The following STARD13 variants were observed in gnomAD, a reference collection of about 807,000 sequenced individuals.
STARD13 encodes the protein stAR-related lipid transfer protein 13.
Under a neutral mutation model 106.4 loss-of-function variants are expected in STARD13, and 62 were observed. The ratio of observed to expected loss-of-function variants is 0.58; its 90% confidence interval spans 0.48 to 0.72. The LOEUF (loss-of-function observed/expected upper bound fraction) is 0.72. STARD13 is among the 30% of genes least tolerant of loss of function. The pLI is 0.00. For synonymous variants in STARD13, 565 were observed against 553.0 expected (o/e 1.02, Z -0.31); for missense variants, 1,387 against 1,424.0 (o/e 0.97, Z 0.42).
At position 33,104,100 on chromosome 13, in the gene STARD13, C is replaced by T. The variant is rs1174977393; in HGVS notation, c.*1493G>A. 1.3e-5 allele frequency: 2 copies of T among 152,204 alleles called. No homozygotes were observed. Among genetic ancestry groups the T allele is most frequent in the African/African-American group, 4.8e-5 (2 of 41,454 alleles). 9.4% of individuals were successfully genotyped at this position (152,204 alleles called of 1,614,324 possible). On this transcript the variant is annotated 3_prime_UTR_variant, in exon 14 of 14. Transcript: ENST00000336934. ...AAAAAAACCTGAAAACACTCATTTG[C>T]TTTTCTTTTTTTCTCCAACACCAGT... is the stretch of plus-strand genomic sequence containing the variant.
At chr13:33,592,933 T>C in the STARD13 span, among the ~76,000 whole-genome samples, 1 of 151,962 alleles carries the variant, frequency 6.6e-6, no homozygotes, top group South Asian at 2.1e-4. Context: ...GAGGGCTGGG[T>C]TGGGGACATC....
At chr13:33,646,380 T>G in the STARD13 span, among the ~76,000 whole-genome samples, 1 of 152,196 alleles carries the variant, frequency 6.6e-6, no homozygotes, top group African/African-American at 2.4e-5. Flanking sequence ...ACATTCTGCC[T>G]CGGGATATAC....
chr13:33,112,970 CAT>C, intron 8 of STARD13, 39 bp from the exon 9 acceptor site: 1 of 1,522,848 alleles, frequency 6.6e-7, no homozygotes, highest in Non-Finnish European at 8.9e-7. Flanking sequence ...GAGGAGCAGA[CAT>C]AGAAAGAGCC....
intron 13 of STARD13, 118 bp from the exon 14 acceptor site, chr13:33,105,828 G>A (rs916097415): frequency 1.5e-5 from 12 of 817,716 alleles, no homozygotes; most frequent in East Asian, 9.8e-5. Flanking sequence ...CAGACAGCTC[G>A]GGCTGCTGCC....
At chr13:33,251,141 T>C (rs563358984) in intron 1 of STARD13, among the ~76,000 whole-genome samples, 44 of 152,342 alleles carry the variant, frequency 2.9e-4, no homozygotes, top group African/African-American at 1.1e-3. Context: ...CATGTTTTTA[T>C]TTATAAAATA....
the STARD13 span, among the ~76,000 whole-genome samples, chr13:33,485,911 GAATT>G: frequency 3.3e-4 from 50 of 152,306 alleles, no homozygotes; most frequent in South Asian, 8.3e-4. Context: ...AAAATAAAAT[GAATT>G]AATTATCAGG....
intron 1 of STARD13, among the ~76,000 whole-genome samples, chr13:33,308,532 T>TG (rs1893009107): frequency 7.0e-6 from 1 of 143,372 alleles, no homozygotes; most frequent in Admixed American, 7.0e-5. Context: ...TTTTTTTTTT[T>TG]TTTTTTTTGA....
At chr13:33,401,576 G>A in the STARD13 span, among the ~76,000 whole-genome samples, 2 of 152,120 alleles carry the variant, frequency 1.3e-5, no homozygotes, top group African/African-American at 2.4e-5. Context: ...TAGACTTCAG[G>A]ATAGTCCAGG....
intron 1 of STARD13, among the ~76,000 whole-genome samples, chr13:33,251,473 A>G (rs1430731312): frequency 6.6e-6 from 1 of 152,238 alleles, no homozygotes; most frequent in Non-Finnish European, 1.5e-5. Flanking sequence ...TCAGAAAACC[A>G]TGTGCATTCA....
intron 1 of STARD13, among the ~76,000 whole-genome samples, chr13:33,320,107 A>G (rs969274086): frequency 6.6e-6 from 1 of 152,254 alleles, no homozygotes. Context: ...AAAACAAAGC[A>G]AAGGTGATCA....
chr13:33,508,942 A>G, the STARD13 span, among the ~76,000 whole-genome samples: 3 of 152,232 alleles, frequency 2.0e-5, no homozygotes, highest in Admixed American at 6.5e-5. Context: ...TGAATACTGT[A>G]GGCACCTGTA....
the STARD13 span, among the ~76,000 whole-genome samples, chr13:33,405,723 C>A: frequency 6.6e-6 from 1 of 152,220 alleles, no homozygotes; most frequent in Non-Finnish European, 1.5e-5. Context: ...ATGGGCATAG[C>A]CCACCCAGCA....
chr13:33,391,524 T>G, the STARD13 span, among the ~76,000 whole-genome samples: 1 of 152,152 alleles, frequency 6.6e-6, no homozygotes, highest in African/African-American at 2.4e-5. Flanking sequence ...AACACATAAT[T>G]TGGAAACATT....
At chr13:33,537,044 C>T in the STARD13 span, among the ~76,000 whole-genome samples, 1 of 151,858 alleles carries the variant, frequency 6.6e-6, no homozygotes, top group Non-Finnish European at 1.5e-5. Flanking sequence ...TTTTAGGTTA[C>T]AAAAACAATT....
chr13:33,284,605 C>G (rs543980790), intron 1 of STARD13, among the ~76,000 whole-genome samples: 1 of 150,550 alleles, frequency 6.6e-6, no homozygotes, highest in East Asian at 1.9e-4. Context: ...ATAATAATTT[C>G]TTTTTTGTAG....
At chr13:33,519,287 C>CTG in the STARD13 span, among the ~76,000 whole-genome samples, 1 of 121,730 alleles carries the variant, frequency 8.2e-6, no homozygotes, top group Non-Finnish European at 1.7e-5. Flanking sequence ...CTTTCTCTTT[C>CTG]TTTCTTTCTC....
At chr13:33,308,067 T>C (rs1344413276) in intron 1 of STARD13, among the ~76,000 whole-genome samples, 2 of 152,222 alleles carry the variant, frequency 1.3e-5, no homozygotes, top group Non-Finnish European at 2.9e-5. Flanking sequence ...ACAGGAGTCC[T>C]GCTCCACGTG....
At chr13:33,209,966 T>C (rs1161708853) in intron 1 of STARD13, among the ~76,000 whole-genome samples, 1 of 152,174 alleles carries the variant, frequency 6.6e-6, no homozygotes, top group Admixed American at 6.5e-5. Context: ...ACCAAGATCC[T>C]GTCTTGAAAA....
chr13:33,612,190 G>A, the STARD13 span, among the ~76,000 whole-genome samples: 7 of 152,156 alleles, frequency 4.6e-5, no homozygotes, highest in African/African-American at 1.7e-4. Flanking sequence ...ACTATAGACA[G>A]CCCTCTTCTT....
Sources: gnomAD v4.1 joint callset for allele counts (sites outside exome capture counted in the v4.1 genomes callset) on GRCh38, gnomAD v4.1.1 for gene constraint, MANE v1.5 for transcripts, NCBI Gene and HGNC (gene_info 2026-07-23, HGNC 2026-07-21) for gene names.